The following EEFSEC variants were observed in gnomAD, a reference collection of about 807,000 sequenced individuals.
EEFSEC encodes eukaryotic elongation factor, selenocysteine-tRNA specific, also known as selenocysteine-specific elongation factor.
EEFSEC carries 43 observed loss-of-function variants against 42.1 expected under a neutral mutation model. The observed-to-expected ratio is 1.02, with a 90% confidence interval of 0.80 to 1.32. The LOEUF (loss-of-function observed/expected upper bound fraction) is 1.32. EEFSEC is among the 40% of genes most tolerant of loss of function. The pLI is 0.00. For synonymous variants in EEFSEC, 354 were observed against 339.1 expected (o/e 1.04, Z -0.48); for missense variants, 745 against 803.6 (o/e 0.93, Z 0.88).
intron 2 of EEFSEC, among the ~76,000 whole-genome samples, chr3:128,258,822 A>T (rs2955095): frequency 0.84 from 127,491 of 152,190 alleles, 53,908 homozygotes; most frequent in East Asian, 0.99. Flanking sequence ...GGACTTAAAT[A>T]TATGTTCCCT....
intron 6 of EEFSEC, among the ~76,000 whole-genome samples, chr3:128,379,720 A>G (rs2067751405): frequency 1.3e-5 from 2 of 152,238 alleles, no homozygotes; most frequent in African/African-American, 4.8e-5. Flanking sequence ...ATGATTGAGA[A>G]GGAAGTACAG....
intron 6 of EEFSEC, among the ~76,000 whole-genome samples, chr3:128,400,363 C>T (rs2068034913): frequency 6.6e-6 from 1 of 152,198 alleles, no homozygotes; most frequent in African/African-American, 2.4e-5. Flanking sequence ...GTTCCTAGGG[C>T]CCAGTATCCA....
chr3:128,322,245 G>T (rs2067015567), intron 4 of EEFSEC, among the ~76,000 whole-genome samples: 2 of 152,246 alleles, frequency 1.3e-5, no homozygotes, highest in Admixed American at 1.3e-4. Flanking sequence ...CCACCTGCTG[G>T]CTGGGTGATG....
chr3:128,222,107 C>T (rs2065867225), intron 1 of EEFSEC, among the ~76,000 whole-genome samples: 1 of 145,988 alleles, frequency 6.8e-6, no homozygotes, highest in Non-Finnish European at 1.5e-5. Flanking sequence ...GATCTCAGCT[C>T]ACTGCAACCT....
At chr3:128,347,315 C>G (rs1230550997) in intron 5 of EEFSEC, among the ~76,000 whole-genome samples, 3 of 151,202 alleles carry the variant, frequency 2.0e-5, no homozygotes, top group Non-Finnish European at 4.4e-5. Flanking sequence ...ATCCAGAGGT[C>G]TCACCTGAGT....
At chr3:128,320,171 G>C (rs1427408970) in intron 4 of EEFSEC, among the ~76,000 whole-genome samples, 1 of 152,244 alleles carries the variant, frequency 6.6e-6, no homozygotes, top group East Asian at 1.9e-4. Context: ...ACTGCTTACT[G>C]TCACCTTCTC....
chr3:128,394,460 A>C (rs2067955935), intron 6 of EEFSEC, among the ~76,000 whole-genome samples: 1 of 151,236 alleles, frequency 6.6e-6, no homozygotes, highest in Non-Finnish European at 1.5e-5. Flanking sequence ...CCACCAAGTC[A>C]TAAAAATGAC....
downstream of EEFSEC, among the ~76,000 whole-genome samples, chr3:128,411,223 T>TC (rs2068171921): frequency 6.6e-6 from 1 of 152,114 alleles, no homozygotes; most frequent in Non-Finnish European, 1.5e-5. Flanking sequence ...CTTCCCTGGC[T>TC]CCCCCGTCCC....
intron 1 of EEFSEC, among the ~76,000 whole-genome samples, chr3:128,184,073 A>G (rs1461617933): frequency 1.3e-5 from 2 of 152,198 alleles, no homozygotes; most frequent in Non-Finnish European, 2.9e-5. Flanking sequence ...GAAGCCAAAC[A>G]ATTCCTAGAT....
At chr3:128,312,281 G>A (rs1354411481) in intron 4 of EEFSEC, among the ~76,000 whole-genome samples, 1 of 152,246 alleles carries the variant, frequency 6.6e-6, no homozygotes, top group Non-Finnish European at 1.5e-5. Flanking sequence ...GAGAACCAGA[G>A]CTCCTGAGTT....
chr3:128,361,381 A>G (rs545239707), intron 6 of EEFSEC, among the ~76,000 whole-genome samples: 2 of 152,252 alleles, frequency 1.3e-5, no homozygotes, highest in African/African-American at 4.8e-5. Flanking sequence ...GTCTCATTTT[A>G]TCTAATTTTA....
chr3:128,160,979 T>C (rs1487643048), intron 1 of EEFSEC, among the ~76,000 whole-genome samples: 1 of 152,206 alleles, frequency 6.6e-6, no homozygotes, highest in Non-Finnish European at 1.5e-5. Context: ...TTTGTTTGTT[T>C]AATCTTCACA....
intron 6 of EEFSEC, among the ~76,000 whole-genome samples, chr3:128,391,423 G>A (rs1178615582): frequency 1.3e-5 from 2 of 152,232 alleles, no homozygotes; most frequent in East Asian, 1.9e-4. Flanking sequence ...TTCCAACCTC[G>A]AGGTTCTGGG....
chr3:128,385,474 A>G (rs562115851), intron 6 of EEFSEC, among the ~76,000 whole-genome samples: 1 of 152,348 alleles, frequency 6.6e-6, no homozygotes, highest in East Asian at 1.9e-4. Context: ...CAAAGCAAAC[A>G]TACCTAAGGG....
At chr3:128,181,361 A>T (rs2065403236) in intron 1 of EEFSEC, among the ~76,000 whole-genome samples, 1 of 152,218 alleles carries the variant, frequency 6.6e-6, no homozygotes, top group African/African-American at 2.4e-5. Context: ...CAAGACCTAC[A>T]GCCTATGCCG....
chr3:128,244,131 G>A (rs1164912490), intron 1 of EEFSEC, among the ~76,000 whole-genome samples: 1 of 152,200 alleles, frequency 6.6e-6, no homozygotes, highest in African/African-American at 2.4e-5. Flanking sequence ...TGTGAAGGTG[G>A]AGACTGGAAA....
chr3:128,366,386 C>T (rs149521961), intron 6 of EEFSEC, among the ~76,000 whole-genome samples: 1 of 152,358 alleles, frequency 6.6e-6, no homozygotes, highest in Non-Finnish European at 1.5e-5. Context: ...GCTGCCCATG[C>T]CCTGTGCCAG....
intron 1 of EEFSEC, among the ~76,000 whole-genome samples, chr3:128,194,472 G>A (rs2065560545): frequency 6.6e-6 from 1 of 152,192 alleles, no homozygotes. Flanking sequence ...CTTCAGCTTG[G>A]CCCTGCCTTT....
At chr3:128,385,988 A>G (rs773262580) in intron 6 of EEFSEC, among the ~76,000 whole-genome samples, 5 of 152,198 alleles carry the variant, frequency 3.3e-5, no homozygotes, top group Non-Finnish European at 5.9e-5. Context: ...TAAGCCCCCA[A>G]AGAATGTTCA....
Sources: gnomAD v4.1 joint callset for allele counts (sites outside exome capture counted in the v4.1 genomes callset) on GRCh38, gnomAD v4.1.1 for gene constraint, MANE v1.5 for transcripts, NCBI Gene and HGNC (gene_info 2026-07-23, HGNC 2026-07-21) for gene names.